Variants in KCNH8 observed in about 807,000 individuals in gnomAD.
The protein encoded by KCNH8 is voltage-gated delayed rectifier potassium channel KCNH8.
Under a neutral mutation model 103.6 loss-of-function variants are expected in KCNH8, and 70 were observed. The observed-to-expected ratio is 0.68, with a 90% CI of 0.56 to 0.82. The LOEUF is 0.82. Among genes scored for constraint, KCNH8 ranks in the 40% least tolerant of loss-of-function variants. KCNH8 has a pLI of 0.00. For missense variants in KCNH8, 1,217 were observed against 1,329.9 expected, an observed-to-expected ratio of 0.92 and a Z score of 1.32; for synonymous variants, 498 against 489.4, an observed-to-expected ratio of 1.02 and a Z score of -0.23.
At chr3:19,343,571 A>G (rs1270199497) in intron 4 of KCNH8, among the ~76,000 whole-genome samples, 2 of 152,140 alleles carry the variant, frequency 1.3e-5, no homozygotes, top group Non-Finnish European at 2.9e-5. Context: ...GGCAGATTAA[A>G]TACCAGCATC....
At chr3:19,246,302 G>A (rs1156571239) in intron 1 of KCNH8, among the ~76,000 whole-genome samples, 1 of 123,546 alleles carries the variant, frequency 8.1e-6, no homozygotes, top group African/African-American at 3.2e-5. Flanking sequence ...TTTTTTGATG[G>A]AGTCTCGCTC....
chr3:19,279,377 A>G (rs1281859360), intron 2 of KCNH8, among the ~76,000 whole-genome samples: 1 of 152,068 alleles, frequency 6.6e-6, no homozygotes, highest in Non-Finnish European at 1.5e-5. Context: ...GGAGTGAAGG[A>G]TGTGACAATG....
chr3:19,395,560 G>T (rs914148409), intron 7 of KCNH8, among the ~76,000 whole-genome samples: 7 of 151,924 alleles, frequency 4.6e-5, no homozygotes, highest in Non-Finnish European at 8.8e-5. Context: ...AAAATGACCA[G>T]TTTGGCTGTA....
chr3:19,239,181 T>C (rs915382903), intron 1 of KCNH8, among the ~76,000 whole-genome samples: 38 of 152,166 alleles, frequency 2.5e-4, no homozygotes, highest in Non-Finnish European at 3.2e-4. Context: ...ATAAAACATC[T>C]GGCTATAGGC....
intron 11 of KCNH8, among the ~76,000 whole-genome samples, chr3:19,463,501 C>G (rs945767006): frequency 6.6e-5 from 10 of 151,308 alleles, no homozygotes; most frequent in African/African-American, 2.4e-4. Context: ...CAAAAGACAA[C>G]AAGCAGATAA....
intron 1 of KCNH8, among the ~76,000 whole-genome samples, chr3:19,220,777 T>C (rs182906881): frequency 6.6e-6 from 1 of 152,288 alleles, no homozygotes; most frequent in Non-Finnish European, 1.5e-5. Context: ...TGGCACTTTT[T>C]TTTTTTTCTC....
chr3:19,171,572 A>T (rs1379482228), intron 1 of KCNH8, among the ~76,000 whole-genome samples: 2 of 152,184 alleles, frequency 1.3e-5, no homozygotes, highest in Non-Finnish European at 2.9e-5. Context: ...TCGACTCTAT[A>T]AATAAGTTAG....
intron 5 of KCNH8, among the ~76,000 whole-genome samples, chr3:19,352,417 C>T (rs1377332525): frequency 6.6e-6 from 1 of 152,172 alleles, no homozygotes; most frequent in Admixed American, 6.5e-5. Flanking sequence ...CACCCCAAAT[C>T]AACAGAATAT....
chr3:19,524,285 A>G (rs1239078251), intron 15 of KCNH8, among the ~76,000 whole-genome samples: 1 of 151,850 alleles, frequency 6.6e-6, no homozygotes, highest in Non-Finnish European at 1.5e-5. Context: ...TTGATCATCA[A>G]TTTTCAAAGC....
At chr3:19,365,865 TTAAA>T (rs2066004849) in intron 5 of KCNH8, among the ~76,000 whole-genome samples, 1 of 151,996 alleles carries the variant, frequency 6.6e-6, no homozygotes, top group Admixed American at 6.6e-5. Context: ...AATATGACAT[TTAAA>T]TAATGACAGA....
At chr3:19,485,572 G>A (rs543544405) in intron 11 of KCNH8, among the ~76,000 whole-genome samples, 2 of 152,324 alleles carry the variant, frequency 1.3e-5, no homozygotes, top group African/African-American at 4.8e-5. Context: ...CTGTGGCACA[G>A]CTACCTTCCT....
intron 5 of KCNH8, among the ~76,000 whole-genome samples, chr3:19,353,777 A>C (rs543633911): frequency 6.0e-4 from 91 of 152,316 alleles, no homozygotes; most frequent in Admixed American, 9.2e-4. Flanking sequence ...AGCCAATATC[A>C]TACTGAATGG....
intron 15 of KCNH8, among the ~76,000 whole-genome samples, chr3:19,532,844 A>C (rs567032386): frequency 1.3e-5 from 2 of 152,208 alleles, no homozygotes; most frequent in East Asian, 3.9e-4. Context: ...ATGTATGTTC[A>C]TTCAAATGCT....
chr3:19,335,959 T>C (rs2065579022), intron 3 of KCNH8, among the ~76,000 whole-genome samples: 1 of 151,808 alleles, frequency 6.6e-6, no homozygotes, highest in South Asian at 2.1e-4. Flanking sequence ...TCTTATCTTC[T>C]TTCCATTTAA....
chr3:19,497,893 A>T (rs1380469009), intron 11 of KCNH8, among the ~76,000 whole-genome samples: 1 of 139,068 alleles, frequency 7.2e-6, no homozygotes, highest in Non-Finnish European at 1.6e-5. Context: ...GTAGGTCTCC[A>T]AAAACTTCTT....
chr3:19,262,551 T>A (rs1475538920), intron 2 of KCNH8, among the ~76,000 whole-genome samples: 1 of 152,012 alleles, frequency 6.6e-6, no homozygotes, highest in Non-Finnish European at 1.5e-5. Context: ...CATTTGGCTG[T>A]TAGGTAATGG....
At chr3:19,253,007 T>C (rs1268627437) in intron 1 of KCNH8, among the ~76,000 whole-genome samples, 1 of 152,106 alleles carries the variant, frequency 6.6e-6, no homozygotes, top group African/African-American at 2.4e-5. Context: ...CTTTAACCAA[T>C]TATGTGTGGA....
intron 15 of KCNH8, among the ~76,000 whole-genome samples, chr3:19,524,282 T>C (rs1459268749): frequency 6.6e-6 from 1 of 151,928 alleles, no homozygotes; most frequent in African/African-American, 2.4e-5. Flanking sequence ...TTCTTGATCA[T>C]CAATTTTCAA....
chr3:19,377,600 G>A (rs977365937), intron 5 of KCNH8, among the ~76,000 whole-genome samples: 2 of 152,136 alleles, frequency 1.3e-5, no homozygotes, highest in African/African-American at 2.4e-5. Context: ...TAATGCCTTG[G>A]TTTTAGCAAA....
Sources: gnomAD v4.1 joint callset for allele counts (sites outside exome capture counted in the v4.1 genomes callset) on GRCh38, gnomAD v4.1.1 for gene constraint, MANE v1.5 for transcripts, NCBI Gene and HGNC (gene_info 2026-07-23, HGNC 2026-07-21) for gene names.